The following PRKCQ variants were observed in gnomAD, a reference collection of about 807,000 sequenced individuals.
The protein encoded by PRKCQ is protein kinase C theta type.
Under a neutral mutation model 91.2 loss-of-function variants are expected in PRKCQ, and 41 were observed. That is an observed-to-expected ratio of 0.45 (90% CI 0.35 to 0.58). The LOEUF is 0.58. PRKCQ is among the 20% of genes least tolerant of loss of function. The probability of loss-of-function intolerance (pLI) is 0.00; values close to 1 mark genes in which losing one functional copy is unlikely to be tolerated. For synonymous variants in PRKCQ, 307 were observed against 316.9 expected (o/e 0.97, Z 0.33); for missense variants, 673 against 896.5 (o/e 0.75, Z 3.18).
chr10:6,438,880 G>A (rs758290679), intron 16 of PRKCQ, among the ~76,000 whole-genome samples: 3 of 152,220 alleles, frequency 2.0e-5, no homozygotes, highest in Non-Finnish European at 4.4e-5. Context: ...TTCCAGGCAT[G>A]AGCCACCACA....
chr10:6,404,253 G>GAGAGAGAGAGAGA, the PRKCQ span, among the ~76,000 whole-genome samples: 1 of 12,370 alleles, frequency 8.1e-5, no homozygotes, highest in Admixed American at 2.7e-3. Context: ...GAGAAGGGGG[G>GAGAGAGAGAGAGA]GGGAGAGAGA....
chr10:6,497,781 T>C lies in PRKCQ; in HGVS notation c.543-530A>G, dbSNP rs763943580. Reference sequence around the variant, plus strand: ...GAAAACCCGCCAAGTCGATCTGGCATGTGGATACCCTGGTTACACAGGAGC... The same window carrying C: ...GAAAACCCGCCAAGTCGATCTGGCACGTGGATACCCTGGTTACACAGGAGC... On this transcript the variant is annotated intron_variant, in intron 5 of 17. Transcript: ENST00000263125. This position sits in a 1 kb window ranked among gnomAD's most constrained non-coding sequence, Gnocchi z 4.5. Among the ~76,000 whole-genome samples the C allele has an allele frequency of 6.6e-6, 1 of 152,198 alleles. No individual in the cohort carries two copies. The highest frequency in any genetic ancestry group is 1.5e-5 in the Non-Finnish European group (1 of 68,028).
chr10:6,572,133 T>G (rs1841069088), intron 1 of PRKCQ, among the ~76,000 whole-genome samples: 1 of 152,188 alleles, frequency 6.6e-6, no homozygotes, highest in Non-Finnish European at 1.5e-5. Context: ...TTCCCATCGC[T>G]CCCTCTTCCT....
At chr10:6,448,624 G>C (rs998242208) in intron 15 of PRKCQ, among the ~76,000 whole-genome samples, 1 of 151,996 alleles carries the variant, frequency 6.6e-6, no homozygotes, top group South Asian at 2.1e-4. Flanking sequence ...AGCCACTATG[G>C]TCTTGATCTC....
chr10:6,503,382 A>C (rs1344317662), intron 4 of PRKCQ, among the ~76,000 whole-genome samples: 1 of 152,176 alleles, frequency 6.6e-6, no homozygotes, highest in Non-Finnish European at 1.5e-5. Flanking sequence ...TGTGAAATAG[A>C]AAGTTGGCAG....
the PRKCQ span, among the ~76,000 whole-genome samples, chr10:6,420,305 TC>T: frequency 1.3e-5 from 2 of 152,182 alleles, no homozygotes; most frequent in African/African-American, 4.8e-5. Context: ...TTGGGCTTCT[TC>T]CCTAAGGGAG....
chr10:6,429,930 G>A (rs1236855985), intron 17 of PRKCQ, among the ~76,000 whole-genome samples: 2 of 148,118 alleles, frequency 1.4e-5, no homozygotes, highest in Admixed American at 1.4e-4. Context: ...ATGTTGCCTA[G>A]GCTAGTCTCA....
At chr10:6,496,940 G>T in intron 7 of PRKCQ, 95 bp downstream of exon 7, 1 of 1,097,640 alleles carries the variant, frequency 9.1e-7, no homozygotes, top group Non-Finnish European at 1.4e-6. Context: ...ATGGGAGGAT[G>T]CAAGTTCTGG....
chr10:6,513,783 GGAACCCCA>G (rs1274127135), intron 2 of PRKCQ, among the ~76,000 whole-genome samples: 2 of 152,128 alleles, frequency 1.3e-5, no homozygotes, highest in Non-Finnish European at 2.9e-5. Context: ...AGTAGGTTTG[GGAACCCCA>G]GAATCTGAAC....
intron 1 of PRKCQ, among the ~76,000 whole-genome samples, chr10:6,568,014 G>C (rs917788664): frequency 6.6e-6 from 1 of 152,066 alleles, no homozygotes; most frequent in Non-Finnish European, 1.5e-5. Flanking sequence ...GGGGTTGGGA[G>C]ATCATTTGAG....
chr10:6,475,828 G>A (rs112395459), intron 12 of PRKCQ, among the ~76,000 whole-genome samples: 86 of 152,278 alleles, frequency 5.6e-4, no homozygotes, highest in African/African-American at 1.9e-3. Context: ...ACAACAACTC[G>A]GGGTGTTGGA....
intron 15 of PRKCQ, among the ~76,000 whole-genome samples, chr10:6,454,320 C>T (rs559770208): frequency 1.6e-4 from 24 of 152,146 alleles, no homozygotes; most frequent in Middle Eastern, 3.4e-3. Flanking sequence ...AGGGTGTCAC[C>T]AAGAGCCAGG....
At chr10:6,549,535 T>A (rs953767369) in intron 1 of PRKCQ, among the ~76,000 whole-genome samples, 1 of 152,150 alleles carries the variant, frequency 6.6e-6, no homozygotes, top group African/African-American at 2.4e-5. Context: ...ACAAAAGTAA[T>A]TGCAATTTTT....
intron 2 of PRKCQ, among the ~76,000 whole-genome samples, chr10:6,512,718 G>A (rs1838544133): frequency 6.6e-6 from 1 of 152,150 alleles, no homozygotes; most frequent in Non-Finnish European, 1.5e-5. Flanking sequence ...GCTAAACAGA[G>A]CAGACATTTA....
chr10:6,517,823 G>A (rs1838835400), intron 1 of PRKCQ, among the ~76,000 whole-genome samples: 1 of 149,798 alleles, frequency 6.7e-6, no homozygotes, highest in Admixed American at 6.8e-5. Context: ...CATAATATGG[G>A]TATACAAATT....
At chr10:6,521,901 TGTGATG>T (rs1323311064) in intron 1 of PRKCQ, among the ~76,000 whole-genome samples, 30 of 126,680 alleles carry the variant, frequency 2.4e-4, no homozygotes, top group East Asian at 1.7e-3. Context: ...TGTTATGTTA[TGTGATG>T]TTATGTTATG....
rs1452448688 is a variant in PRKCQ, at chr10:6,497,335, T to A, written c.543-84A>T. 6.7e-7 allele frequency: 1 copy of A among 1,488,740 alleles called. No individual in the cohort carries two copies. Among genetic ancestry groups the A allele is most frequent in the Non-Finnish European group, 9.4e-7 (1 of 1,067,660 alleles). The allele number at this position is 1,488,740 out of a possible 1,614,324, so 92.2% of individuals were successfully genotyped here. Reference sequence around the variant, plus strand: ...CATTTAAGAGATGGATGAGATCTCATAACCCCCTAAGATCACAGAGCAGTT... The same window carrying A: ...CATTTAAGAGATGGATGAGATCTCAAAACCCCCTAAGATCACAGAGCAGTT... On this transcript the variant is annotated intron_variant, in intron 5 of 17. Coordinates refer to ENST00000263125, the MANE Select transcript of PRKCQ (RefSeq NM_006257.5). The surrounding 1 kb of genome is among the most constrained non-coding windows in gnomAD (Gnocchi z 4.5).
At chr10:6,471,830 A>T (rs1835986311) in intron 12 of PRKCQ, among the ~76,000 whole-genome samples, 1 of 152,216 alleles carries the variant, frequency 6.6e-6, no homozygotes, top group South Asian at 2.1e-4. Flanking sequence ...GAAGGCATGC[A>T]CTTTCCTGAG....
chr10:6,504,188 T>C (rs541670), intron 4 of PRKCQ, among the ~76,000 whole-genome samples: 149,651 of 152,362 alleles, frequency 0.98, 73,546 homozygotes, highest in East Asian at 1. Context: ...TTCTTTTAGA[T>C]TGTTCCTTTT....
Sources: gnomAD v4.1 joint callset for allele counts (sites outside exome capture counted in the v4.1 genomes callset) on GRCh38, gnomAD v4.1.1 for gene constraint, Gnocchi (gnomAD v3.1) non-coding constraint, MANE v1.5 for transcripts, NCBI Gene and HGNC (gene_info 2026-07-23, HGNC 2026-07-21) for gene names.